Variants in NEGR1 observed in about 807,000 individuals in gnomAD.
NEGR1 encodes the protein neuronal growth regulator 1.
In NEGR1, 10 loss-of-function variants were observed where a neutral mutation model predicts 40.9. The ratio of observed to expected loss-of-function variants is 0.24; its 90% confidence interval spans 0.15 to 0.42. NEGR1 has a LOEUF of 0.42. Among genes scored for constraint, NEGR1 ranks in the 10% least tolerant of loss-of-function variants. NEGR1 has a pLI of 1.00. For missense variants in NEGR1, 352 were observed against 438.9 expected (o/e 0.80, Z 1.77); for synonymous variants, 185 against 166.8 (o/e 1.11, Z -0.84).
chr1:71,648,249 G>A (rs970110712), intron 4 of NEGR1, among the ~76,000 whole-genome samples: 1 of 151,976 alleles, frequency 6.6e-6, no homozygotes, highest in African/African-American at 2.4e-5. Context: ...CCACAGGGAA[G>A]AAGAAAGCAG....
intron 1 of NEGR1, among the ~76,000 whole-genome samples, chr1:72,101,874 T>G (rs1648960107): frequency 6.6e-6 from 1 of 152,178 alleles, no homozygotes; most frequent in African/African-American, 2.4e-5. Context: ...TAGCAGGTTT[T>G]CATTCTGTTT....
Position 71,634,755 on chromosome 1 carries a change from T to C in NEGR1, c.668-23609A>G, listed in dbSNP as rs1490156931. On this transcript the variant is annotated intron_variant, in intron 4 of 6. Coordinates refer to ENST00000357731, the MANE Select transcript of NEGR1 (RefSeq NM_173808.3). The stretch of plus-strand genomic sequence containing the variant: ...TCTAGACTTACTAATTACATAGTCT[T>C]AGGAAATGGCTCTGGATTGCTGAAA... 2.6e-5 allele frequency among the ~76,000 whole-genome samples: 4 copies of C among 152,120 alleles called. No individual in the cohort carries two copies. The East Asian group carries it at 7.7e-4, about 29-fold the overall frequency.
intron 2 of NEGR1, among the ~76,000 whole-genome samples, chr1:71,799,565 T>A (rs1002375586): frequency 6.6e-6 from 1 of 152,184 alleles, no homozygotes. Context: ...TACCCAGTAA[T>A]GGGATTGCTG....
chr1:71,943,226 G>A (rs889168646), intron 1 of NEGR1, among the ~76,000 whole-genome samples: 3 of 147,168 alleles, frequency 2.0e-5, no homozygotes, highest in African/African-American at 7.7e-5. Context: ...TTTGTTTTAT[G>A]TATATACTCA....
chr1:71,554,811 G>A (rs964638564), intron 6 of NEGR1, among the ~76,000 whole-genome samples: 1 of 151,374 alleles, frequency 6.6e-6, no homozygotes, highest in African/African-American at 2.4e-5. Context: ...GCTGGAATCC[G>A]AGGTGCCTTG....
intron 6 of NEGR1, among the ~76,000 whole-genome samples, chr1:71,473,002 T>A (rs1056572550): frequency 6.6e-6 from 1 of 151,994 alleles, no homozygotes; most frequent in Admixed American, 6.6e-5. Context: ...AGTGATAAAA[T>A]AATTTTAAAA....
At chr1:71,602,594 C>T (rs1649962411) in intron 5 of NEGR1, among the ~76,000 whole-genome samples, 1 of 152,196 alleles carries the variant, frequency 6.6e-6, no homozygotes, top group African/African-American at 2.4e-5. Context: ...GGAAGTGCTA[C>T]TCATCCTTTG....
chr1:72,036,870 G>A (rs1646908496), intron 1 of NEGR1, among the ~76,000 whole-genome samples: 1 of 151,892 alleles, frequency 6.6e-6, no homozygotes, highest in Admixed American at 6.6e-5. Flanking sequence ...TTGCAACAAG[G>A]TGAGATATAA....
chr1:71,521,193 A>T (rs1647154700), intron 6 of NEGR1, among the ~76,000 whole-genome samples: 1 of 152,074 alleles, frequency 6.6e-6, no homozygotes, highest in Admixed American at 6.6e-5. Flanking sequence ...CAAGTACAAA[A>T]GCACTACATA....
intron 3 of NEGR1, among the ~76,000 whole-genome samples, chr1:71,728,683 C>T (rs1654755684): frequency 6.6e-6 from 1 of 152,098 alleles, no homozygotes; most frequent in South Asian, 2.1e-4. Context: ...CATATTACTC[C>T]TCTGTAAAGA....
At chr1:72,182,134 T>C (rs902752669) in intron 1 of NEGR1, among the ~76,000 whole-genome samples, 3 of 152,200 alleles carry the variant, frequency 2.0e-5, no homozygotes, top group African/African-American at 7.2e-5. Context: ...GTAAGCTTAT[T>C]ACTATCTATA....
intron 6 of NEGR1, among the ~76,000 whole-genome samples, chr1:71,564,277 A>C (rs1194134632): frequency 6.6e-6 from 1 of 152,060 alleles, no homozygotes; most frequent in African/African-American, 2.4e-5. Flanking sequence ...TTACATTATC[A>C]TCACCACATA....
chr1:71,472,825 A>T (rs948476779), intron 6 of NEGR1, among the ~76,000 whole-genome samples: 1 of 152,120 alleles, frequency 6.6e-6, no homozygotes, highest in Non-Finnish European at 1.5e-5. Context: ...AAACATAAAT[A>T]GGCAGAAATA....
chr1:72,180,639 A>C (rs1236284604), intron 1 of NEGR1, among the ~76,000 whole-genome samples: 1 of 152,120 alleles, frequency 6.6e-6, no homozygotes, highest in East Asian at 1.9e-4. Context: ...CCCAATTAAA[A>C]AATGAGCAAA....
chr1:71,631,707 A>G (rs1376679569), intron 4 of NEGR1, among the ~76,000 whole-genome samples: 2 of 151,828 alleles, frequency 1.3e-5, no homozygotes, highest in Non-Finnish European at 3.0e-5. Context: ...TTAAATGTGA[A>G]TGAAACCATA....
intron 6 of NEGR1, among the ~76,000 whole-genome samples, chr1:71,487,331 C>T (rs1202378554): frequency 6.6e-6 from 1 of 151,664 alleles, no homozygotes; most frequent in African/African-American, 2.4e-5. Context: ...TCACAGCTGT[C>T]TCCCAGGCAG....
At chr1:71,837,868 T>C (rs573309868) in intron 2 of NEGR1, among the ~76,000 whole-genome samples, 49 of 152,284 alleles carry the variant, frequency 3.2e-4, no homozygotes, top group African/African-American at 1.1e-3. Flanking sequence ...CTAGTTCCCT[T>C]ATTTCTTTCC....
chr1:71,673,538 G>A (rs1652507748), intron 4 of NEGR1, among the ~76,000 whole-genome samples: 1 of 151,936 alleles, frequency 6.6e-6, no homozygotes, highest in South Asian at 2.1e-4. Context: ...TAGGATCTAG[G>A]ATGGTTTGTT....
chr1:71,443,584 G>T (rs187665170), intron 6 of NEGR1, among the ~76,000 whole-genome samples: 105 of 152,216 alleles, frequency 6.9e-4, no homozygotes, highest in Middle Eastern at 3.4e-3. Flanking sequence ...ATGAATGAAT[G>T]GCTTTGTAAG....
Sources: gnomAD v4.1 joint callset for allele counts (sites outside exome capture counted in the v4.1 genomes callset) on GRCh38, gnomAD v4.1.1 for gene constraint, MANE v1.5 for transcripts, NCBI Gene and HGNC (gene_info 2026-07-23, HGNC 2026-07-21) for gene names.